SLC13A1: variants seen among roughly 807,000 people sequenced by gnomAD.
SLC13A1 encodes solute carrier family 13 member 1.
SLC13A1 carries 65 observed loss-of-function variants against 70.0 expected under a neutral mutation model. The ratio of observed to expected loss-of-function variants is 0.93; its 90% CI spans 0.76 to 1.14. SLC13A1 has a LOEUF of 1.14. SLC13A1 is among the 50% of genes most tolerant of loss of function. The probability of loss-of-function intolerance (pLI) is 0.00; values close to 1 mark genes in which losing one functional copy is unlikely to be tolerated. For synonymous variants in SLC13A1, 275 were observed against 250.5 expected, an observed-to-expected ratio of 1.10 and a Z score of -0.92; for missense variants, 726 against 717.8, an observed-to-expected ratio of 1.01 and a Z score of -0.13.
At chr7:123,193,151 A>T (rs1796056001) in intron 1 of SLC13A1, among the ~76,000 whole-genome samples, 1 of 152,188 alleles carries the variant, frequency 6.6e-6, no homozygotes, top group Non-Finnish European at 1.5e-5. Context: ...TCCATGAACT[A>T]CCTGCTCCAG....
At chr7:123,170,181 A>G (rs954208043) in intron 3 of SLC13A1, among the ~76,000 whole-genome samples, 3 of 152,214 alleles carry the variant, frequency 2.0e-5, no homozygotes, top group Non-Finnish European at 4.4e-5. Context: ...AGAGCAATTT[A>G]TGAAATAATC....
chr7:123,182,334 T>C (rs1306980769), intron 1 of SLC13A1, among the ~76,000 whole-genome samples: 1 of 152,182 alleles, frequency 6.6e-6, no homozygotes, highest in African/African-American at 2.4e-5. Context: ...TATGACTTTA[T>C]GTTTTCCATC....
At chr7:123,166,026 T>C (rs1359202850) in intron 6 of SLC13A1, among the ~76,000 whole-genome samples, 1 of 152,000 alleles carries the variant, frequency 6.6e-6, no homozygotes, top group South Asian at 2.1e-4. Context: ...GACTCAAATG[T>C]CTTTACATTA....
intron 7 of SLC13A1, among the ~76,000 whole-genome samples, chr7:123,146,731 G>T (rs1391517342): frequency 6.6e-6 from 1 of 151,824 alleles, no homozygotes; most frequent in Non-Finnish European, 1.5e-5. Flanking sequence ...AATCTTTTTT[G>T]AATTCCAAAG....
At chr7:123,148,328 C>A in intron 6 of SLC13A1, 1 of 333,672 alleles carries the variant, frequency 3.0e-6, no homozygotes, top group Non-Finnish European at 5.9e-6. Flanking sequence ...TTCAAATATC[C>A]TGGCCTCACA....
chr7:123,184,697 C>T (rs1210865954), intron 1 of SLC13A1, among the ~76,000 whole-genome samples: 1 of 151,390 alleles, frequency 6.6e-6, no homozygotes, highest in African/African-American at 2.4e-5. Flanking sequence ...GTATACATAC[C>T]ATATTTTCTT....
Position 123,168,487 on chromosome 7 carries a change from A to C in SLC13A1, c.611+17T>G. ...ATAATTTGGAAAAATCCCAATCAAA[A>C]TGTCAGTATTCCTTACCCTGGAACT... is the stretch of plus-strand genomic sequence containing the variant. On this transcript the variant is annotated intron_variant, in intron 5 of 14. Coordinates refer to ENST00000194130, the MANE Select transcript of SLC13A1 (RefSeq NM_022444.4). The C allele has an allele frequency of 6.2e-7, 1 of 1,604,062 alleles. No individual in the cohort carries two copies. The highest frequency in any genetic ancestry group is 1.7e-4 in the Middle Eastern group (1 of 5,992).
intron 1 of SLC13A1, among the ~76,000 whole-genome samples, chr7:123,188,230 T>G (rs1245625812): frequency 6.6e-6 from 1 of 152,216 alleles, no homozygotes; most frequent in Non-Finnish European, 1.5e-5. Context: ...TGCTGCCTTG[T>G]GAAGAAGTTG....
chr7:123,152,454 A>C (rs1794588814), intron 6 of SLC13A1, among the ~76,000 whole-genome samples: 1 of 152,088 alleles, frequency 6.6e-6, no homozygotes, highest in Admixed American at 6.6e-5. Flanking sequence ...TGGTTGCACT[A>C]ATTTACATTG....
At chr7:123,117,742 TGC>T in intron 13 of SLC13A1, 134 bp from the exon 14 acceptor site, 1 of 500,074 alleles carries the variant, frequency 2.0e-6, no homozygotes. Flanking sequence ...TATAAATTAT[TGC>T]AGTTATAACT....
At chr7:123,132,769 T>G (rs1020194134) in intron 8 of SLC13A1, among the ~76,000 whole-genome samples, 1 of 152,194 alleles carries the variant, frequency 6.6e-6, no homozygotes, top group Non-Finnish European at 1.5e-5. Context: ...GCTGTTTTGT[T>G]TTTCAGGAAA....
At chr7:123,175,299 A>T (rs1469209878) in intron 2 of SLC13A1, among the ~76,000 whole-genome samples, 1 of 152,084 alleles carries the variant, frequency 6.6e-6, no homozygotes, top group Non-Finnish European at 1.5e-5. Flanking sequence ...TTTTTCCTAG[A>T]GGGATTGGGA....
chr7:123,139,896 C>A (rs189624418), intron 7 of SLC13A1, among the ~76,000 whole-genome samples: 5 of 152,106 alleles, frequency 3.3e-5, no homozygotes, highest in East Asian at 1.9e-4. Flanking sequence ...AATTTGGGTG[C>A]CTTTTTAACT....
chr7:123,169,609 C>T (rs552583460), intron 3 of SLC13A1, among the ~76,000 whole-genome samples: 3 of 151,982 alleles, frequency 2.0e-5, no homozygotes, highest in Non-Finnish European at 4.4e-5. Flanking sequence ...ATGATTAAAA[C>T]TAAACGAACT....
At position 123,193,578 on chromosome 7, in the gene SLC13A1, C is replaced by T. The variant is rs556825907; in HGVS notation, c.99+6270G>A. On this transcript the variant is annotated intron_variant, in intron 1 of 14. Transcript: ENST00000194130. ...ACAATGACATAAGGCAATCTGAGCA[C>T]AGCTTTTAAAGATCTGATATAAATA... 3.3e-5 allele frequency among the ~76,000 whole-genome samples: 5 copies of T among 152,284 alleles called. No homozygotes were observed. The South Asian group carries it at 8.3e-4, about 25-fold the overall frequency.
chr7:123,126,374 A>G (rs530534369), intron 10 of SLC13A1, among the ~76,000 whole-genome samples: 1 of 152,282 alleles, frequency 6.6e-6, no homozygotes, highest in East Asian at 1.9e-4. Flanking sequence ...GAATCACCAG[A>G]CCATTGTAAC....
chr7:123,128,716 C>A (rs1585297925), intron 10 of SLC13A1, 129 bp downstream of exon 10: 1 of 646,394 alleles, frequency 1.5e-6, no homozygotes, highest in African/African-American at 1.8e-5. Flanking sequence ...AAGATTAGAA[C>A]TTAAAATATC....
chr7:123,151,767 A>C (rs1008682967), intron 6 of SLC13A1, among the ~76,000 whole-genome samples: 4 of 152,040 alleles, frequency 2.6e-5, no homozygotes, highest in African/African-American at 9.7e-5. Flanking sequence ...ACTCTCAGCC[A>C]CTTTGCTGTA....
intron 12 of SLC13A1, among the ~76,000 whole-genome samples, chr7:123,121,270 C>T (rs972237286): frequency 2.6e-5 from 4 of 152,072 alleles, no homozygotes; most frequent in African/African-American, 7.2e-5. Context: ...CCATATTCAG[C>T]TCTGGCTTTT....
Sources: gnomAD v4.1 joint callset for allele counts (sites outside exome capture counted in the v4.1 genomes callset) on GRCh38, gnomAD v4.1.1 for gene constraint, MANE v1.5 for transcripts, NCBI Gene and HGNC (gene_info 2026-07-23, HGNC 2026-07-21) for gene names.